GCNT2: variants seen among roughly 807,000 people sequenced by gnomAD.
GCNT2 encodes glucosaminyl (N-acetyl) transferase 2 (I blood group), also known as N-acetyllactosaminide beta-1,6-N-acetylglucosaminyl-transferase.
A neutral mutation model predicts 34.2 loss-of-function variants in GCNT2; 34 were observed. The ratio of observed to expected loss-of-function variants is 1.00; its 90% CI spans 0.76 to 1.32. The LOEUF (loss-of-function observed/expected upper bound fraction) is 1.32. GCNT2 is among the 40% of genes most tolerant of loss of function. GCNT2 has a pLI of 0.00. For synonymous variants in GCNT2, 212 were observed against 188.0 expected (o/e 1.13, Z -1.04); for missense variants, 584 against 489.4 (o/e 1.19, Z -1.82).
At chr6:10,539,481 G>T (rs528872428) in intron 3 of GCNT2, among the ~76,000 whole-genome samples, 1 of 151,976 alleles carries the variant, frequency 6.6e-6, no homozygotes, top group Non-Finnish European at 1.5e-5. Flanking sequence ...GAGCCACTGC[G>T]CCCGGCCCCG....
At position 10,627,101 on chromosome 6, in the gene GCNT2, T is replaced by C. The variant is rs765439364; in HGVS notation, c.*494T>C. 9 of 164,156 alleles carry C rather than the reference T, an allele frequency of 5.5e-5. No individual in the cohort carries two copies. Among genetic ancestry groups the C allele is most frequent in the Non-Finnish European group, 1.1e-4 (8 of 74,168 alleles). The allele number at this position is 164,156 out of a possible 1,614,324, so 10.2% of individuals were successfully genotyped here. A position where few individuals can be genotyped will look rare whatever the true frequency, so the allele number is the denominator to read the frequency against. The stretch of plus-strand genomic sequence containing the variant: ...CACCAATTTCCTTTAAAACATAAGC[T>C]ACCTGAATGGAGAATACATCTTGTT... On this transcript the variant is annotated 3_prime_UTR_variant, in exon 5 of 5. Coordinates refer to ENST00000495262, the MANE Select transcript of GCNT2 (RefSeq NM_145649.5).
intron 3 of GCNT2, among the ~76,000 whole-genome samples, chr6:10,580,219 A>G (rs2027359): frequency 0.018 from 2,752 of 151,844 alleles, 78 homozygotes; most frequent in African/African-American, 0.061. Flanking sequence ...TACACTGGAA[A>G]AGCTGGCAGC....
chr6:10,579,435 G>T (rs1763967628), intron 3 of GCNT2, among the ~76,000 whole-genome samples: 1 of 152,012 alleles, frequency 6.6e-6, no homozygotes, highest in South Asian at 2.1e-4. Flanking sequence ...AAGCTAGGTT[G>T]GCCTGTTTTC....
intron 3 of GCNT2, among the ~76,000 whole-genome samples, chr6:10,535,976 T>C (rs1238835716): frequency 2.6e-5 from 4 of 152,198 alleles, no homozygotes; most frequent in Non-Finnish European, 4.4e-5. Flanking sequence ...TGTATTTCTA[T>C]TTCCTGTAGA....
At chr6:10,623,488 C>T (rs1413405469) in intron 4 of GCNT2, among the ~76,000 whole-genome samples, 3 of 152,064 alleles carry the variant, frequency 2.0e-5, no homozygotes, top group African/African-American at 7.2e-5. Context: ...GACGGGGTTT[C>T]ACCATGTTGG....
At chr6:10,538,924 A>G (rs910814056) in intron 3 of GCNT2, among the ~76,000 whole-genome samples, 1 of 152,146 alleles carries the variant, frequency 6.6e-6, no homozygotes, top group Non-Finnish European at 1.5e-5. Flanking sequence ...ATGGGGACCT[A>G]TCTTAATTTT....
intron 4 of GCNT2, among the ~76,000 whole-genome samples, 170 bp from the exon 5 acceptor site, chr6:10,626,243 CTAAA>C (rs1348243011): frequency 8.5e-5 from 13 of 152,200 alleles, no homozygotes; most frequent in Non-Finnish European, 1.2e-4. Flanking sequence ...TCTTGTTCTT[CTAAA>C]TAGAGTTCCA....
At chr6:10,585,110 T>A (rs1764289213) in intron 3 of GCNT2, among the ~76,000 whole-genome samples, 1 of 151,788 alleles carries the variant, frequency 6.6e-6, no homozygotes, top group Non-Finnish European at 1.5e-5. Flanking sequence ...CATTAGAATC[T>A]AAATTAATCT....
chr6:10,566,882 C>T (rs9366500), intron 3 of GCNT2, among the ~76,000 whole-genome samples: 99,079 of 152,142 alleles, frequency 0.65, 32,768 homozygotes, highest in Middle Eastern at 0.73. Flanking sequence ...CCAGAGTAAG[C>T]CAAGGAGTCT....
chr6:10,555,195 C>T (rs1762640814), intron 3 of GCNT2, among the ~76,000 whole-genome samples: 1 of 152,088 alleles, frequency 6.6e-6, no homozygotes, highest in Non-Finnish European at 1.5e-5. Context: ...AATGGGCAGG[C>T]AGTCAATGGT....
intron 3 of GCNT2, among the ~76,000 whole-genome samples, chr6:10,580,450 G>A (rs1250855762): frequency 6.6e-6 from 1 of 152,140 alleles, no homozygotes; most frequent in Non-Finnish European, 1.5e-5. Context: ...TACAATGTGT[G>A]ATGATTATTT....
chr6:10,580,549 C>T (rs923618112), intron 3 of GCNT2, among the ~76,000 whole-genome samples: 3 of 151,682 alleles, frequency 2.0e-5, no homozygotes, highest in African/African-American at 4.8e-5. Flanking sequence ...CAACTAAAGC[C>T]TTAGACACAG....
intron 3 of GCNT2, chr6:10,586,809 G>A: frequency 6.2e-7 from 1 of 1,613,880 alleles, no homozygotes; most frequent in Non-Finnish European, 8.5e-7. Context: ...CAGAGACTTT[G>A]TCGACTTTGT....
chr6:10,620,231 A>C (rs891629299), intron 3 of GCNT2, among the ~76,000 whole-genome samples: 9 of 152,208 alleles, frequency 5.9e-5, no homozygotes, highest in Admixed American at 5.2e-4. Flanking sequence ...GTAATTAAAA[A>C]GAATCTTCTA....
At chr6:10,569,949 T>C (rs75959146) in intron 3 of GCNT2, among the ~76,000 whole-genome samples, 78 of 23,726 alleles carry the variant, frequency 3.3e-3, no homozygotes, top group Middle Eastern at 0.036. Context: ...TCCTTCCTTC[T>C]TCCTTCCTTC....
chr6:10,530,724 A>C (rs550720577), intron 3 of GCNT2, among the ~76,000 whole-genome samples: 12 of 151,942 alleles, frequency 7.9e-5, no homozygotes, highest in Non-Finnish European at 1.5e-4. Flanking sequence ...TCAAGAAGTT[A>C]AAACAAACAA....
intron 3 of GCNT2, among the ~76,000 whole-genome samples, chr6:10,547,064 C>T (rs936693826): frequency 2.0e-4 from 31 of 152,168 alleles, no homozygotes; most frequent in African/African-American, 7.2e-4. Flanking sequence ...TTCAAACTTA[C>T]TATACTTAAC....
chr6:10,546,693 T>A (rs546994841), intron 3 of GCNT2, among the ~76,000 whole-genome samples: 1 of 152,284 alleles, frequency 6.6e-6, no homozygotes, highest in Non-Finnish European at 1.5e-5. Flanking sequence ...TCTTTGAAGA[T>A]CTATAAAATA....
chr6:10,587,292 A>T (rs1035625645), intron 3 of GCNT2, among the ~76,000 whole-genome samples: 10 of 152,246 alleles, frequency 6.6e-5, no homozygotes, highest in Non-Finnish European at 1.5e-4. Flanking sequence ...GACGGATGTT[A>T]GACATCGCTT....
Sources: allele counts gnomAD v4.1 joint callset (sites outside exome capture counted in the v4.1 genomes callset), GRCh38; gene constraint gnomAD v4.1.1; transcripts MANE v1.5; gene names NCBI Gene and HGNC (gene_info 2026-07-23, HGNC 2026-07-21).